Variants in DLC1 observed in about 807,000 individuals in gnomAD.
DLC1 encodes the protein DLC1 Rho GTPase activating protein.
Under a neutral mutation model 140.3 loss-of-function variants are expected in DLC1, and 54 were observed. That is an observed-to-expected ratio of 0.38 (90% CI 0.31 to 0.48). DLC1 has a LOEUF of 0.48. Ranked by LOEUF, DLC1 falls within the 20% of genes least tolerant of loss-of-function variation. The pLI is 0.96. For missense variants in DLC1, 2,536 were observed against 1,907.0 expected (o/e 1.33, Z -6.14); for synonymous variants, 986 against 728.1 (o/e 1.35, Z -5.70).
At chr8:13,521,198 C>G (rs1303642683) in intron 1 of DLC1, among the ~76,000 whole-genome samples, 2 of 151,864 alleles carry the variant, frequency 1.3e-5, no homozygotes, top group South Asian at 4.2e-4. Context: ...GGGAGCTGAA[C>G]AATGAAAGAA....
chr8:13,569,359 A>G (rs1403215243), intron 1 of DLC1, among the ~76,000 whole-genome samples: 2 of 4,194 alleles, frequency 4.8e-4, no homozygotes, highest in Non-Finnish European at 6.3e-3. Flanking sequence ...GTATAAAGAT[A>G]CTATTTTTTT....
chr8:13,568,040 C>G (rs1266596477), intron 1 of DLC1: 16 of 1,344,062 alleles, frequency 1.2e-5, no homozygotes, highest in Non-Finnish European at 1.6e-5. Context: ...TACTATGCTT[C>G]CTTCACAGAT....
intron 4 of DLC1, among the ~76,000 whole-genome samples, chr8:13,383,788 A>G (rs1016671677): frequency 9.2e-5 from 14 of 152,294 alleles, no homozygotes; most frequent in African/African-American, 3.4e-4. Flanking sequence ...AGAAGAGCCA[A>G]TGTTCGAACA....
At chr8:13,475,200 T>G (rs1800384188) in intron 2 of DLC1, among the ~76,000 whole-genome samples, 4 of 152,208 alleles carry the variant, frequency 2.6e-5, no homozygotes, top group Non-Finnish European at 5.9e-5. Context: ...TGATTGCTGT[T>G]TTTTCTGTCA....
chr8:13,504,200 C>T (rs190121509), intron 1 of DLC1, among the ~76,000 whole-genome samples: 3,755 of 149,996 alleles, frequency 0.025, 64 homozygotes, highest in Non-Finnish European at 0.034. Context: ...CATCTCAGCT[C>T]ACTGCAACCT....
At chr8:13,463,751 C>T (rs773799270) in intron 2 of DLC1, among the ~76,000 whole-genome samples, 6 of 152,060 alleles carry the variant, frequency 3.9e-5, no homozygotes, top group Non-Finnish European at 8.8e-5. Flanking sequence ...GACTTTTTGC[C>T]GGATTCCCAG....
At chr8:13,263,642 A>G (rs1024095141) in intron 5 of DLC1, among the ~76,000 whole-genome samples, 23 of 151,150 alleles carry the variant, frequency 1.5e-4, no homozygotes, top group Non-Finnish European at 3.2e-4. Flanking sequence ...ATTTATATGT[A>G]TATATAATAG....
chr8:13,284,396 G>C (rs372164840), intron 5 of DLC1, among the ~76,000 whole-genome samples: 4 of 151,938 alleles, frequency 2.6e-5, no homozygotes, highest in Admixed American at 1.3e-4. Flanking sequence ...GCGTGGTGGC[G>C]GGCGCCTGTA....
intron 1 of DLC1, among the ~76,000 whole-genome samples, chr8:13,541,399 A>G (rs553794415): frequency 7.6e-4 from 116 of 152,230 alleles, no homozygotes; most frequent in African/African-American, 2.7e-3. Context: ...TGGCTGAACT[A>G]TTTTTCATAC....
Position 13,514,677 on chromosome 8 carries a change from T to G in DLC1, c.-201A>C. The G allele has an allele frequency of 2.5e-6, 1 of 398,612 alleles. No individual in the cohort carries two copies. Among genetic ancestry groups the G allele is most frequent in the South Asian group, 1.3e-4 (1 of 7,858 alleles). The allele number at this position is 398,612 out of a possible 1,614,324, so 24.7% of individuals were successfully genotyped here. ...GGCTAGGAAAGAAGTCCGTCCCCGT[T>G]AGTTTCTCCAAAATCTAAGTTCCCA... On this transcript the variant is annotated 5_prime_UTR_variant, in exon 1 of 18. It removes the in-frame stop codon of an upstream open reading frame in the 5' UTR. Transcript: ENST00000276297.
intron 1 of DLC1, among the ~76,000 whole-genome samples, chr8:13,592,484 T>G (rs1805547524): frequency 6.6e-6 from 1 of 152,138 alleles, no homozygotes; most frequent in Non-Finnish European, 1.5e-5. Context: ...TTGCTTTACG[T>G]GTTCTTTTCC....
chr8:13,223,077 C>G (rs1242541870), intron 5 of DLC1, among the ~76,000 whole-genome samples: 1 of 152,034 alleles, frequency 6.6e-6, no homozygotes, highest in Non-Finnish European at 1.5e-5. Flanking sequence ...AATTCTAGTT[C>G]TATCGGTTAT....
intron 2 of DLC1, among the ~76,000 whole-genome samples, chr8:13,489,489 GT>G (rs1030130253): frequency 6.7e-6 from 1 of 149,884 alleles, no homozygotes; most frequent in African/African-American, 2.5e-5. Context: ...GTCACAAGGT[GT>G]TTACTATGTG....
intron 5 of DLC1, among the ~76,000 whole-genome samples, chr8:13,238,830 G>T (rs1336390152): frequency 6.6e-6 from 1 of 152,110 alleles, no homozygotes; most frequent in Non-Finnish European, 1.5e-5. Context: ...GCTCTCTGAC[G>T]CGTGCTTCCA....
upstream of DLC1, among the ~76,000 whole-genome samples, chr8:13,518,340 C>G (rs566980967): frequency 2.9e-4 from 44 of 152,278 alleles, no homozygotes; most frequent in Non-Finnish European, 5.0e-4. Flanking sequence ...AACTCCTGAC[C>G]TCAAGTGATC....
intron 5 of DLC1, among the ~76,000 whole-genome samples, chr8:13,118,127 C>T (rs1246785467): frequency 1.3e-5 from 2 of 151,578 alleles, no homozygotes; most frequent in African/African-American, 4.9e-5. Flanking sequence ...CTCCCACCTC[C>T]GCCTCCCAAG....
chr8:13,537,902 C>A (rs780002879), intron 1 of DLC1, among the ~76,000 whole-genome samples: 8 of 152,054 alleles, frequency 5.3e-5, no homozygotes, highest in Non-Finnish European at 1.2e-4. Flanking sequence ...GATCCGCCCA[C>A]CTCGGCCTCC....
At chr8:13,090,863 G>T (rs1222885446) in intron 14 of DLC1, among the ~76,000 whole-genome samples, 1 of 150,754 alleles carries the variant, frequency 6.6e-6, no homozygotes, top group African/African-American at 2.4e-5. Context: ...GAGTGCAGTG[G>T]CAAAATATTG....
At chr8:13,430,621 A>G (rs1374581037) in intron 2 of DLC1, among the ~76,000 whole-genome samples, 1 of 152,228 alleles carries the variant, frequency 6.6e-6, no homozygotes, top group Admixed American at 6.5e-5. Flanking sequence ...ACTTGAAAAC[A>G]TAGTTTCTCC....
Sources: allele counts gnomAD v4.1 joint callset (sites outside exome capture counted in the v4.1 genomes callset), GRCh38; gene constraint gnomAD v4.1.1; transcripts MANE v1.5; gene names NCBI Gene and HGNC (gene_info 2026-07-23, HGNC 2026-07-21).